PAK3: variants seen among roughly 807,000 people sequenced by gnomAD.
PAK3 encodes serine/threonine-protein kinase PAK 3.
In PAK3, 4 loss-of-function variants were observed where a neutral mutation model predicts 41.0. The ratio of observed to expected loss-of-function variants is 0.10; its 90% CI spans 0.05 to 0.22. PAK3 has a LOEUF of 0.22. Ranked by LOEUF, PAK3 falls within the 10% of genes least tolerant of loss-of-function variation. The pLI, the probability that PAK3 is intolerant of heterozygous loss-of-function variation, is 1.00. For synonymous variants in PAK3, 146 were observed against 139.6 expected, an observed-to-expected ratio of 1.05 and a Z score of -0.32; for missense variants, 205 against 409.9, an observed-to-expected ratio of 0.50 and a Z score of 4.32.
chrX:111,195,762 C>T, intron 14 of PAK3, 80 bp from the exon 15 acceptor site: 2 of 657,244 alleles, frequency 3.0e-6, no homozygotes, highest in South Asian at 4.6e-5. Flanking sequence ...TATATCCCTG[C>T]CCAAAATTTA....
At chrX:111,218,276 A>G (rs976526445) in intron 17 of PAK3, among the ~76,000 whole-genome samples, 1 of 112,252 alleles carries the variant, frequency 8.9e-6, no homozygotes, top group Non-Finnish European at 1.9e-5. Flanking sequence ...CCATTTGTAA[A>G]GCATAAGTGC....
At chrX:111,128,853 C>G (rs894942330) in intron 5 of PAK3, among the ~76,000 whole-genome samples, 1 of 111,915 alleles carries the variant, frequency 8.9e-6, no homozygotes, top group Non-Finnish European at 1.9e-5. Flanking sequence ...TAGAGATATG[C>G]TAACATTTGC....
intron 1 of PAK3, among the ~76,000 whole-genome samples, chrX:110,969,015 G>C (rs2148627230): frequency 9.3e-6 from 1 of 107,987 alleles, no homozygotes; most frequent in East Asian, 2.9e-4. Context: ...TGAGGTATGA[G>C]AGCCCGGGTT....
At chrX:110,966,130 T>A (rs1038669797) in intron 1 of PAK3, among the ~76,000 whole-genome samples, 6 of 111,856 alleles carry the variant, frequency 5.4e-5, no homozygotes, top group African/African-American at 1.6e-4. Context: ...AAAAAAGAAA[T>A]GTATATTTTT....
At chrX:110,981,156 T>A (rs764567447) in intron 1 of PAK3, among the ~76,000 whole-genome samples, 8 of 111,302 alleles carry the variant, frequency 7.2e-5, no homozygotes, top group Non-Finnish European at 1.5e-4. Flanking sequence ...GCTCCAACAC[T>A]CCAGTGAGGT....
rs1204082316 is a variant in PAK3 at position 111,224,400 on chromosome X, G to A, written c.*3953G>A. ...TTAACAGACTCTCAGGTTGAATTTTGGAGGACTAGAAGGATAAAATCCCCA... is the reference window on the plus strand; with the variant it reads ...TTAACAGACTCTCAGGTTGAATTTTAGAGGACTAGAAGGATAAAATCCCCA... On this transcript the variant is annotated 3_prime_UTR_variant, in exon 18 of 18. Coordinates refer to ENST00000372007, the MANE Select transcript of PAK3 (RefSeq NM_002578.5). 1.8e-5 allele frequency: 2 copies of A among 111,448 alleles called. No homozygotes were observed. The highest frequency in any genetic ancestry group is 1.9e-4 in the Admixed American group (2 of 10,440). The allele number at this position is 111,448 out of a possible 1,213,427, so 9.2% of individuals were successfully genotyped here.
At chrX:110,948,802 G>A (rs1282210979) in intron 1 of PAK3, among the ~76,000 whole-genome samples, 1 of 111,933 alleles carries the variant, frequency 8.9e-6, no homozygotes, top group Non-Finnish European at 1.9e-5. Context: ...AGTTGTAATA[G>A]GAAGGATTTC....
intron 1 of PAK3, among the ~76,000 whole-genome samples, chrX:110,983,888 C>T (rs765095206): frequency 8.6e-4 from 96 of 112,025 alleles, no homozygotes; most frequent in Middle Eastern, 4.6e-3. Context: ...TTAAGTCAAA[C>T]TCCTGGTGGT....
chrX:111,188,028 G>A (rs1286677612), intron 11 of PAK3, among the ~76,000 whole-genome samples: 1 of 107,527 alleles, frequency 9.3e-6, no homozygotes, highest in Non-Finnish European at 1.9e-5. Context: ...GAGGAGAAAG[G>A]CTCATTTTTA....
At chrX:111,084,936 G>T (rs915005527) in intron 1 of PAK3, among the ~76,000 whole-genome samples, 1 of 111,748 alleles carries the variant, frequency 8.9e-6, no homozygotes, top group Non-Finnish European at 1.9e-5. Flanking sequence ...GACCTACTGA[G>T]TAAATGGCCT....
intron 1 of PAK3, among the ~76,000 whole-genome samples, chrX:111,041,546 G>A (rs1263004155): frequency 1.8e-5 from 2 of 111,666 alleles, no homozygotes; most frequent in Non-Finnish European, 3.8e-5. Context: ...CATGGCATTT[G>A]TGGCCTTCCA....
chrX:111,116,834 C>G (rs947707593), intron 4 of PAK3, among the ~76,000 whole-genome samples: 1 of 112,361 alleles, frequency 8.9e-6, no homozygotes, highest in African/African-American at 3.2e-5. Flanking sequence ...CTTACATGAT[C>G]TAAGATTGAA....
At chrX:111,048,676 T>C (rs1470172378) in intron 1 of PAK3, among the ~76,000 whole-genome samples, 1 of 111,943 alleles carries the variant, frequency 8.9e-6, no homozygotes, top group African/African-American at 3.2e-5. Flanking sequence ...ACAAGTTCTA[T>C]TGGCTCCCCC....
chrX:111,220,695 C>T lies in PAK3; in HGVS notation c.*248C>T. ...TAAAGTGGTCACTTCCACCGTGAAG[C>T]GAAAGAGCCAGTAGTGAATCCCCTC... On this transcript the variant is annotated 3_prime_UTR_variant, in exon 18 of 18. Transcript: ENST00000372007. 1 of 386,855 alleles carries T rather than the reference C, an allele frequency of 2.6e-6. No individual in the cohort carries two copies. The highest frequency in any genetic ancestry group is 4.5e-6 in the Non-Finnish European group (1 of 221,445). 31.9% of individuals were successfully genotyped at this position (386,855 alleles called of 1,213,427 possible).
intron 1 of PAK3, among the ~76,000 whole-genome samples, chrX:110,945,932 G>A (rs1008668555): frequency 4.5e-5 from 5 of 111,778 alleles, no homozygotes; most frequent in African/African-American, 1.3e-4. Flanking sequence ...GACATTTTTT[G>A]CATACCTGCT....
At chrX:111,213,627 A>G (rs1437213090) in intron 16 of PAK3, among the ~76,000 whole-genome samples, 1 of 111,962 alleles carries the variant, frequency 8.9e-6, no homozygotes, top group African/African-American at 3.2e-5. Flanking sequence ...TGGGAAAGGA[A>G]GAAAGAGGTG....
chrX:111,099,364 C>T (rs1002098663), intron 3 of PAK3, among the ~76,000 whole-genome samples: 4 of 111,548 alleles, frequency 3.6e-5, no homozygotes, highest in Non-Finnish European at 7.5e-5. Flanking sequence ...GCAATCTGTG[C>T]TAAACCCAGG....
intron 6 of PAK3, chrX:111,146,532 TG>T: frequency 8.7e-7 from 1 of 1,148,497 alleles, no homozygotes; most frequent in Non-Finnish European, 1.2e-6. Flanking sequence ...CAGATCTCTA[TG>T]GCTCACAGAT....
Position 111,132,638 on chromosome X carries a change from G to A in PAK3, c.175+9360G>A, listed in dbSNP as rs760012304. On this transcript the variant is annotated intron_variant, in intron 5 of 17. Coordinates refer to ENST00000372007, the MANE Select transcript of PAK3 (RefSeq NM_002578.5). ...GGAAGACCACAGGATAGAGACATAT[G>A]GGTATCCAGCCAATGCACAAATCTG... 4.8e-4 allele frequency among the ~76,000 whole-genome samples: 54 copies of A among 111,563 alleles called. No individual in the cohort carries two copies. The Middle Eastern group carries it at 0.014, about 29-fold the overall frequency.
Sources: gnomAD v4.1 joint callset for allele counts (sites outside exome capture counted in the v4.1 genomes callset) on GRCh38, gnomAD v4.1.1 for gene constraint, MANE v1.5 for transcripts, NCBI Gene and HGNC (gene_info 2026-07-23, HGNC 2026-07-21) for gene names.